CALCR: variants seen among roughly 807,000 people sequenced by gnomAD.
The protein encoded by CALCR is calcitonin receptor.
Under a neutral mutation model 59.5 loss-of-function variants are expected in CALCR, and 47 were observed. That is an observed-to-expected ratio of 0.79 (90% CI 0.63 to 1.01). The LOEUF (loss-of-function observed/expected upper bound fraction) is 1.01, where lower values mean the gene tolerates loss of function less well. Among genes scored for constraint, CALCR ranks in the 50% least tolerant of loss-of-function variants. The pLI is 0.00. For missense variants in CALCR, 566 were observed against 597.1 expected, an observed-to-expected ratio of 0.95 and a Z score of 0.54; for synonymous variants, 213 against 211.3, an observed-to-expected ratio of 1.01 and a Z score of -0.07.
chr7:93,445,148 C>T (rs1286284665), intron 8 of CALCR, among the ~76,000 whole-genome samples: 2 of 152,078 alleles, frequency 1.3e-5, no homozygotes, highest in Non-Finnish European at 2.9e-5. Context: ...TAATTAAAAA[C>T]ACCAGGTAAT....
chr7:93,539,832 C>G (rs1256941817), intron 2 of CALCR, among the ~76,000 whole-genome samples: 1 of 152,114 alleles, frequency 6.6e-6, no homozygotes, highest in Non-Finnish European at 1.5e-5. Flanking sequence ...AAGAAAGAAG[C>G]AGTTCACGCC....
intron 2 of CALCR, among the ~76,000 whole-genome samples, chr7:93,532,250 A>G (rs1225980542): frequency 2.6e-5 from 4 of 152,096 alleles, no homozygotes; most frequent in African/African-American, 9.7e-5. Context: ...TGCAACCTCT[A>G]TAATAAAAAT....
At chr7:93,512,042 A>G (rs1801558220) in intron 2 of CALCR, among the ~76,000 whole-genome samples, 1 of 152,142 alleles carries the variant, frequency 6.6e-6, no homozygotes, top group African/African-American at 2.4e-5. Flanking sequence ...TTCACTTAGA[A>G]CCAGCCAAGC....
intron 8 of CALCR, among the ~76,000 whole-genome samples, chr7:93,448,584 G>A (rs1281773308): frequency 6.6e-6 from 1 of 151,882 alleles, no homozygotes; most frequent in African/African-American, 2.4e-5. Context: ...AAACAAATAA[G>A]TGCCACTATG....
chr7:93,505,150 T>C (rs555789056), intron 2 of CALCR, among the ~76,000 whole-genome samples: 1 of 151,710 alleles, frequency 6.6e-6, no homozygotes, highest in South Asian at 2.1e-4. Context: ...TAAGACTAGA[T>C]ATAGCTAAGT....
chr7:93,543,014 G>T (rs1191926080), intron 2 of CALCR, among the ~76,000 whole-genome samples: 1 of 151,760 alleles, frequency 6.6e-6, no homozygotes, highest in African/African-American at 2.4e-5. Flanking sequence ...ATAATAAAAG[G>T]TATAGTATAG....
intron 13 of CALCR, among the ~76,000 whole-genome samples, chr7:93,433,619 G>A (rs557348068): frequency 1.6e-4 from 24 of 152,318 alleles, no homozygotes; most frequent in African/African-American, 5.1e-4. Flanking sequence ...TTGGAAGGAT[G>A]TCTGGAGCTA....
intron 2 of CALCR, among the ~76,000 whole-genome samples, chr7:93,508,601 T>C (rs1801478923): frequency 6.6e-6 from 1 of 152,214 alleles, no homozygotes; most frequent in African/African-American, 2.4e-5. Flanking sequence ...GGTCATTGAA[T>C]TATTTTTAAC....
intron 13 of CALCR, among the ~76,000 whole-genome samples, chr7:93,428,237 C>T (rs1482041532): frequency 6.6e-6 from 1 of 152,172 alleles, no homozygotes; most frequent in Non-Finnish European, 1.5e-5. Context: ...TTTGTATTAA[C>T]TTATTTAATC....
chr7:93,452,767 A>C (rs896000557), intron 8 of CALCR, among the ~76,000 whole-genome samples: 1 of 151,960 alleles, frequency 6.6e-6, no homozygotes, highest in African/African-American at 2.4e-5. Context: ...AGCACTTTGG[A>C]AGTATTAAGA....
In CALCR at chr7:93,510,266, G is replaced by A. The variant is rs75132687; in HGVS notation, c.-26-23259C>T. On this transcript the variant is annotated intron_variant, in intron 2 of 13. Coordinates refer to ENST00000426151, the MANE Select transcript of CALCR (RefSeq NM_001742.4). ...CATTTCTCTACTCCATGTTTTTCTG[G>A]TTCAGAGTAACATCAGGAGCTACTT... Among the ~76,000 whole-genome samples, 712 of 152,142 alleles carry A rather than the reference G, an allele frequency of 4.7e-3. 39 individuals carry two copies. The East Asian group carries it at 0.12, about 26-fold the overall frequency.
At chr7:93,474,027 C>G (rs1800612751) in intron 5 of CALCR, among the ~76,000 whole-genome samples, 2 of 151,708 alleles carry the variant, frequency 1.3e-5, no homozygotes, top group Admixed American at 6.6e-5. Flanking sequence ...GCCACCATAG[C>G]AACTACAATA....
intron 2 of CALCR, among the ~76,000 whole-genome samples, chr7:93,537,567 GCTT>G (rs1250944731): frequency 4.0e-5 from 6 of 151,618 alleles, no homozygotes; most frequent in Admixed American, 1.3e-4. Flanking sequence ...TTAGTAATTA[GCTT>G]CTTATTTAAT....
intron 2 of CALCR, among the ~76,000 whole-genome samples, chr7:93,571,617 T>C (rs1790006257): frequency 6.6e-6 from 1 of 152,060 alleles, no homozygotes; most frequent in African/African-American, 2.4e-5. Context: ...TATCTCTAAA[T>C]AAATGCTGCT....
At position 93,574,457 on chromosome 7, in the gene CALCR, T is replaced by G. The variant is rs1448926510; in HGVS notation, c.-195A>C. On this transcript the variant is annotated 5_prime_UTR_variant, in exon 2 of 14. Transcript: ENST00000426151. The stretch of plus-strand genomic sequence containing the variant: ...TGCGCACTTCTCCAACCCGGGAAGG[T>G]CCGCCAGCCGCGCGGCGCAGCCCAC... 1 of 152,052 alleles carries G rather than the reference T, an allele frequency of 6.6e-6. No individual in the cohort carries two copies. Among genetic ancestry groups the G allele is most frequent in the Non-Finnish European group, 1.5e-5 (1 of 68,014 alleles). The allele number at this position is 152,052 out of a possible 1,614,324, so 9.4% of individuals were successfully genotyped here.
At chr7:93,546,244 T>C (rs975910655) in intron 2 of CALCR, among the ~76,000 whole-genome samples, 1 of 152,174 alleles carries the variant, frequency 6.6e-6, no homozygotes, top group Non-Finnish European at 1.5e-5. Flanking sequence ...AGCTCACACC[T>C]GTTGTCCTGA....
chr7:93,537,078 CT>C (rs36083799), intron 2 of CALCR, among the ~76,000 whole-genome samples: 42,451 of 150,908 alleles, frequency 0.28, 7,022 homozygotes, highest in South Asian at 0.38. Context: ...ATTCTTGCGA[CT>C]TTTTTGTGAG....
chr7:93,534,100 A>G (rs370780980), intron 2 of CALCR, among the ~76,000 whole-genome samples: 4 of 151,842 alleles, frequency 2.6e-5, no homozygotes, highest in South Asian at 4.1e-4. Context: ...GGTTTTGTCA[A>G]TGTCATAAAG....
chr7:93,442,035 T>A (rs1030162073), intron 9 of CALCR, among the ~76,000 whole-genome samples: 3 of 152,100 alleles, frequency 2.0e-5, no homozygotes, highest in Non-Finnish European at 4.4e-5. Context: ...GGGCAGGATG[T>A]ATTTACTATG....
Sources: gnomAD v4.1 joint callset for allele counts (sites outside exome capture counted in the v4.1 genomes callset) on GRCh38, gnomAD v4.1.1 for gene constraint, MANE v1.5 for transcripts, NCBI Gene and HGNC (gene_info 2026-07-23, HGNC 2026-07-21) for gene names.